Variants in NUMB observed in about 807,000 individuals in gnomAD.
NUMB encodes the protein NUMB endocytic adaptor protein.
A neutral mutation model predicts 59.7 loss-of-function variants in NUMB; 29 were observed. The observed-to-expected ratio is 0.49, with a 90% CI of 0.36 to 0.66. NUMB has a LOEUF of 0.66. NUMB is among the 30% of genes least tolerant of loss of function. The probability of loss-of-function intolerance (pLI) is 0.00; values close to 1 mark genes in which losing one functional copy is unlikely to be tolerated. For missense variants in NUMB, 723 were observed against 822.0 expected, an observed-to-expected ratio of 0.88 and a Z score of 1.47; for synonymous variants, 288 against 288.2, an observed-to-expected ratio of 1.00 and a Z score of 0.01.
At chr14:73,452,597 C>T (rs562802388) in intron 1 of NUMB, among the ~76,000 whole-genome samples, 8 of 152,294 alleles carry the variant, frequency 5.3e-5, no homozygotes, top group Admixed American at 1.3e-4. Flanking sequence ...GGGGAAGTCA[C>T]TGAACGTTAA....
At chr14:73,446,295 A>G (rs1284531308) in intron 1 of NUMB, among the ~76,000 whole-genome samples, 1 of 151,826 alleles carries the variant, frequency 6.6e-6, no homozygotes, top group African/African-American at 2.4e-5. Flanking sequence ...CCATCACCAG[A>G]CTTGCAAAAT....
chr14:73,404,846 C>T (rs1215568043), intron 2 of NUMB, among the ~76,000 whole-genome samples: 1 of 151,872 alleles, frequency 6.6e-6, no homozygotes, highest in Non-Finnish European at 1.5e-5. Flanking sequence ...CTGCAACCTC[C>T]GCCTCCCGGG....
In NUMB at chr14:73,288,191, A is replaced by C. The variant is rs1022552513; in HGVS notation, c.451-877T>G. 2.0e-5 allele frequency among the ~76,000 whole-genome samples: 3 copies of C among 152,126 alleles called. No homozygotes were observed. The East Asian group carries it at 5.8e-4, about 29-fold the overall frequency. Reference sequence around the variant, plus strand: ...CACTTTGGGAGGCTGAGATGGGCAAATTGCTTGAGCCCAGGAGTTTGAGAC... The same window carrying C: ...CACTTTGGGAGGCTGAGATGGGCAACTTGCTTGAGCCCAGGAGTTTGAGAC... On this transcript the variant is annotated intron_variant, in intron 8 of 12. Transcript: ENST00000555238.
chr14:73,316,861 A>G (rs894337677), intron 5 of NUMB, among the ~76,000 whole-genome samples: 6 of 152,222 alleles, frequency 3.9e-5, no homozygotes, highest in African/African-American at 1.4e-4. Flanking sequence ...GCGGTCAACT[A>G]TGTGAAAGTC....
chr14:73,448,380 T>C lies in NUMB; in HGVS notation c.-233+10113A>G, dbSNP rs193301328. Among the ~76,000 whole-genome samples, 14 of 152,176 alleles carry C rather than the reference T, an allele frequency of 9.2e-5. No homozygotes were observed. The East Asian group carries it at 2.3e-3, about 25-fold the overall frequency. The stretch of plus-strand genomic sequence containing the variant: ...TATTTTTTTTAATTTATAATAGAGA[T>C]AGGGTCTTGCTACGTTGCCCAGGCT... On this transcript the variant is annotated intron_variant, in intron 1 of 12. Transcript: ENST00000555238.
chr14:73,447,728 AC>A (rs942379683), intron 1 of NUMB, among the ~76,000 whole-genome samples: 1 of 151,250 alleles, frequency 6.6e-6, no homozygotes, highest in African/African-American at 2.4e-5. Flanking sequence ...TAACATGTTA[AC>A]ATTTTTATAA....
intron 4 of NUMB, among the ~76,000 whole-genome samples, chr14:73,323,442 A>G (rs935903756): frequency 6.6e-6 from 1 of 152,222 alleles, no homozygotes; most frequent in Non-Finnish European, 1.5e-5. Context: ...AACTTTACAT[A>G]TTCTCAGTGT....
At chr14:73,451,433 C>T (rs1378971829) in intron 1 of NUMB, among the ~76,000 whole-genome samples, 4 of 118,690 alleles carry the variant, frequency 3.4e-5, no homozygotes, top group Non-Finnish European at 6.7e-5. Flanking sequence ...GAGACACCGT[C>T]TAAAAAAAAA....
chr14:73,429,123 G>A (rs999289114), intron 1 of NUMB, among the ~76,000 whole-genome samples: 1 of 152,196 alleles, frequency 6.6e-6, no homozygotes, highest in African/African-American at 2.4e-5. Flanking sequence ...TGTAATCCCA[G>A]CACTTTGGGA....
At chr14:73,324,065 A>G (rs1891540014) in intron 4 of NUMB, among the ~76,000 whole-genome samples, 1 of 152,142 alleles carries the variant, frequency 6.6e-6, no homozygotes, top group African/African-American at 2.4e-5. Flanking sequence ...AAGGAGCTCA[A>G]TTGTTATTTA....
chr14:73,447,807 G>T (rs1211056756), intron 1 of NUMB, among the ~76,000 whole-genome samples: 3 of 148,606 alleles, frequency 2.0e-5, no homozygotes, highest in African/African-American at 7.4e-5. Context: ...TTTTGAGATG[G>T]AGGCTGACTC....
chr14:73,340,143 T>C (rs546493283), intron 4 of NUMB, among the ~76,000 whole-genome samples: 1 of 152,382 alleles, frequency 6.6e-6, no homozygotes, highest in South Asian at 2.1e-4. Flanking sequence ...ACTTGGCCTC[T>C]CACTGGCAGG....
At chr14:73,450,941 CAGG>C (rs1161362197) in intron 1 of NUMB, among the ~76,000 whole-genome samples, 1 of 151,950 alleles carries the variant, frequency 6.6e-6, no homozygotes, top group Non-Finnish European at 1.5e-5. Flanking sequence ...CACTTGAGGC[CAGG>C]AGTTCAAGAC....
At chr14:73,455,035 GAA>G (rs1267742598) in intron 1 of NUMB, among the ~76,000 whole-genome samples, 1 of 152,122 alleles carries the variant, frequency 6.6e-6, no homozygotes, top group Non-Finnish European at 1.5e-5. Flanking sequence ...TTTATTTTGT[GAA>G]AAGTCTGCAT....
intron 1 of NUMB, among the ~76,000 whole-genome samples, chr14:73,415,938 GA>G (rs200974112): frequency 0.03 from 4,504 of 151,698 alleles, 228 homozygotes; most frequent in African/African-American, 0.1. Flanking sequence ...ACAAAAGAAA[GA>G]AAAAAAATCT....
intron 7 of NUMB, among the ~76,000 whole-genome samples, chr14:73,295,625 C>T (rs1329860048): frequency 2.0e-5 from 3 of 152,112 alleles, no homozygotes; most frequent in East Asian, 1.9e-4. Context: ...TATTAAACCA[C>T]TTGAAATTTA....
intron 4 of NUMB, among the ~76,000 whole-genome samples, chr14:73,350,269 G>A (rs1305694319): frequency 6.6e-6 from 1 of 151,010 alleles, no homozygotes; most frequent in African/African-American, 2.4e-5. Context: ...TGCCTCCCGG[G>A]TTCAAGCAAT....
At chr14:73,301,795 G>C (rs937235231) in intron 6 of NUMB, among the ~76,000 whole-genome samples, 2 of 131,232 alleles carry the variant, frequency 1.5e-5, no homozygotes, top group Non-Finnish European at 3.1e-5. Context: ...ATAAAAACAT[G>C]TGTGGCCGGG....
chr14:73,360,450 C>T (rs1044337332), intron 3 of NUMB, among the ~76,000 whole-genome samples: 2 of 151,924 alleles, frequency 1.3e-5, no homozygotes, highest in Admixed American at 6.6e-5. Flanking sequence ...CCCAGCTACT[C>T]GGGAGGCTGA....
Sources: allele counts gnomAD v4.1 joint callset (sites outside exome capture counted in the v4.1 genomes callset), GRCh38; gene constraint gnomAD v4.1.1; transcripts MANE v1.5; gene names NCBI Gene and HGNC (gene_info 2026-07-23, HGNC 2026-07-21).